The following PPTC7 variants were observed in gnomAD, a reference collection of about 807,000 sequenced individuals.
PPTC7 encodes the protein protein phosphatase PTC7 homolog.
In PPTC7, 6 loss-of-function variants were observed where a neutral mutation model predicts 30.8. That is an observed-to-expected ratio of 0.19 (90% CI 0.11 to 0.38). PPTC7 has a LOEUF of 0.38. Among genes scored for constraint, PPTC7 ranks in the 10% least tolerant of loss-of-function variants. The pLI, the probability that PPTC7 is intolerant of heterozygous loss-of-function variation, is 1.00. For missense variants in PPTC7, 218 were observed against 404.8 expected (o/e 0.54, Z 3.96); for synonymous variants, 163 against 168.1 (o/e 0.97, Z 0.23).
intron 4 of PPTC7, among the ~76,000 whole-genome samples, chr12:110,539,193 G>A (rs2064238954): frequency 6.6e-6 from 1 of 152,110 alleles, no homozygotes; most frequent in African/African-American, 2.4e-5. Context: ...CATTTTATAT[G>A]AAGAAAATAC....
At position 110,534,993 on chromosome 12, in the gene PPTC7, A is replaced by G. The variant is rs1472745349; in HGVS notation, c.*2044T>C. The G allele has an allele frequency of 6.6e-6, 1 of 152,638 alleles. No homozygotes were observed. Among genetic ancestry groups the G allele is most frequent in the African/African-American group, 2.4e-5 (1 of 41,454 alleles). The allele number at this position is 152,638 out of a possible 1,614,324, so 9.5% of individuals were successfully genotyped here. A position where few individuals can be genotyped will look rare whatever the true frequency, so the allele number is the denominator to read the frequency against. The stretch of plus-strand genomic sequence containing the variant: ...TTACCAAAAATAATTGAAAACCTAA[A>G]CAAAAGAGCTGAAGTTGTCAGTCCT... On this transcript the variant is annotated 3_prime_UTR_variant, in exon 6 of 6. Coordinates refer to ENST00000354300, the MANE Select transcript of PPTC7 (RefSeq NM_139283.2).
At chr12:110,582,341 C>T (rs1052445606) in intron 1 of PPTC7, among the ~76,000 whole-genome samples, 3 of 152,296 alleles carry the variant, frequency 2.0e-5, no homozygotes, top group Middle Eastern at 3.4e-3. Flanking sequence ...TCTGGGGGCT[C>T]ACGACTGCCT....
At chr12:110,540,374 T>G (rs2064250003) in intron 3 of PPTC7, among the ~76,000 whole-genome samples, 1 of 128,738 alleles carries the variant, frequency 7.8e-6, no homozygotes, top group Non-Finnish European at 1.6e-5. Flanking sequence ...GAGGCTGGAA[T>G]GCAGTGGCAC....
intron 1 of PPTC7, among the ~76,000 whole-genome samples, chr12:110,552,801 T>G (rs2064358628): frequency 6.6e-6 from 1 of 152,024 alleles, no homozygotes; most frequent in South Asian, 2.1e-4. Flanking sequence ...GAGGCAGAGC[T>G]TGCAGTGAGC....
intron 1 of PPTC7, among the ~76,000 whole-genome samples, chr12:110,566,634 C>A (rs1015512410): frequency 2.0e-5 from 3 of 152,194 alleles, no homozygotes; most frequent in Non-Finnish European, 4.4e-5. Context: ...GAGCAGCAAA[C>A]AGACCAGCCT....
At position 110,573,662 on chromosome 12, in the gene PPTC7, T is replaced by C. The variant is rs148729987; in HGVS notation, c.223+9147A>G. ...CTTTTCTGAAGATGTGTTACTTTTATAAGCACTAAACATCCATTTATTTAA... is the reference window on the plus strand; with the variant it reads ...CTTTTCTGAAGATGTGTTACTTTTACAAGCACTAAACATCCATTTATTTAA... On this transcript the variant is annotated intron_variant, in intron 1 of 5. Coordinates refer to ENST00000354300, the MANE Select transcript of PPTC7 (RefSeq NM_139283.2). Among the ~76,000 whole-genome samples the C allele has an allele frequency of 1.4e-3, 206 of 152,300 alleles. 1 individual carries two copies. The highest frequency in any genetic ancestry group is 6.8e-3 in the Middle Eastern group (2 of 294).
intron 1 of PPTC7, among the ~76,000 whole-genome samples, chr12:110,558,128 G>C (rs1016996268): frequency 1.3e-5 from 2 of 152,172 alleles, no homozygotes; most frequent in Non-Finnish European, 2.9e-5. Context: ...AGTTGGCAAG[G>C]GTGTGTAAAT....
chr12:110,539,690 C>A (rs1354188753), intron 4 of PPTC7, 132 bp downstream of exon 4: 15 of 818,072 alleles, frequency 1.8e-5, no homozygotes, highest in Admixed American at 2.7e-5. Flanking sequence ...AAGACCAGAG[C>A]TATTATTATT....
intron 1 of PPTC7, among the ~76,000 whole-genome samples, chr12:110,569,033 C>A (rs1248151466): frequency 8.6e-5 from 2 of 23,332 alleles, no homozygotes; most frequent in Non-Finnish European, 2.1e-4. Flanking sequence ...CCTGTCCCCG[C>A]CCCCCCCCCT....
At chr12:110,546,174 T>C in intron 2 of PPTC7, 96 bp from the exon 3 acceptor site, 1 of 951,120 alleles carries the variant, frequency 1.1e-6, no homozygotes, top group South Asian at 1.5e-5. Context: ...ACACCATAAT[T>C]TCAATCTCCT....
At chr12:110,576,741 G>C (rs914061492) in intron 1 of PPTC7, among the ~76,000 whole-genome samples, 2 of 151,998 alleles carry the variant, frequency 1.3e-5, no homozygotes, top group African/African-American at 4.8e-5. Flanking sequence ...GTTTCTTGGG[G>C]GGTGATGAAA....
intron 2 of PPTC7, among the ~76,000 whole-genome samples, chr12:110,549,921 A>C (rs2064337605): frequency 1.3e-5 from 2 of 152,206 alleles, no homozygotes; most frequent in Non-Finnish European, 2.9e-5. Context: ...TCACAGGTTA[A>C]GTGGCTTGCC....
intron 1 of PPTC7, among the ~76,000 whole-genome samples, chr12:110,554,678 T>C (rs1353578151): frequency 6.6e-6 from 1 of 152,190 alleles, no homozygotes; most frequent in African/African-American, 2.4e-5. Flanking sequence ...AAAGCCATCA[T>C]ACAATCTTCT....
chr12:110,539,266 A>C (rs1178978424), intron 4 of PPTC7, among the ~76,000 whole-genome samples: 1 of 152,258 alleles, frequency 6.6e-6, no homozygotes, highest in African/African-American at 2.4e-5. Flanking sequence ...AAAAAAAAGA[A>C]AGAAACGTAC....
At chr12:110,541,922 GATT>G (rs2064263608) in intron 3 of PPTC7, among the ~76,000 whole-genome samples, 1 of 151,968 alleles carries the variant, frequency 6.6e-6, no homozygotes, top group African/African-American at 2.4e-5. Flanking sequence ...GAGGCAAGCA[GATT>G]ATTTGAGGTC....
Position 110,570,695 on chromosome 12 carries a change from AAGCAC to A in PPTC7, c.223+12109_223+12113del, listed in dbSNP as rs1195817784. Reference sequence around the variant, plus strand: ...GATGTTTATGTGTATGCATATCTAAAAGCACAGCACTTAATCCTTTACATTGTCTA... The same window carrying A: ...GATGTTTATGTGTATGCATATCTAAAAGCACTTAATCCTTTACATTGTCTA... On this transcript the variant is annotated intron_variant, in intron 1 of 5. Transcript: ENST00000354300. Among the ~76,000 whole-genome samples the A allele has an allele frequency of 7.6e-5, 10 of 130,856 alleles. No homozygotes were observed. In the South Asian group the frequency reaches 2.8e-3, roughly 36 times the overall value. The allele number at this position is 130,856 out of a possible 152,430, so 85.8% of individuals were successfully genotyped here. A position where few individuals can be genotyped will look rare whatever the true frequency, so the allele number is the denominator to read the frequency against.
chr12:110,545,218 G>A (rs1481077030), intron 3 of PPTC7, among the ~76,000 whole-genome samples: 2 of 152,084 alleles, frequency 1.3e-5, no homozygotes, highest in African/African-American at 4.8e-5. Flanking sequence ...TCAGCCTCCT[G>A]AGTAGCTGGG....
At chr12:110,539,265 A>G (rs2064239432) in intron 4 of PPTC7, among the ~76,000 whole-genome samples, 1 of 152,234 alleles carries the variant, frequency 6.6e-6, no homozygotes, top group Non-Finnish European at 1.5e-5. Context: ...TAAAAAAAAG[A>G]AAGAAACGTA....
At chr12:110,544,012 C>T (rs982295828) in intron 3 of PPTC7, among the ~76,000 whole-genome samples, 6 of 152,176 alleles carry the variant, frequency 3.9e-5, no homozygotes, top group Non-Finnish European at 7.4e-5. Context: ...TTGGGCTCTA[C>T]GGAGGCCTTG....
Sources: gnomAD v4.1 joint callset for allele counts (sites outside exome capture counted in the v4.1 genomes callset) on GRCh38, gnomAD v4.1.1 for gene constraint, MANE v1.5 for transcripts, NCBI Gene and HGNC (gene_info 2026-07-23, HGNC 2026-07-21) for gene names.